LYPD6B: variants seen among roughly 807,000 people sequenced by gnomAD.
The protein encoded by LYPD6B is ly6/PLAUR domain-containing protein 6B.
A neutral mutation model predicts 22.8 loss-of-function variants in LYPD6B; 17 were observed. That is an observed-to-expected ratio of 0.75 (90% CI 0.51 to 1.12). The LOEUF (loss-of-function observed/expected upper bound fraction) is 1.12, where lower values mean the gene tolerates loss of function less well. LYPD6B is among the 50% of genes most tolerant of loss of function. LYPD6B has a pLI of 0.00. For missense variants in LYPD6B, 221 were observed against 258.3 expected (o/e 0.86, Z 0.99); for synonymous variants, 106 against 91.6 (o/e 1.16, Z -0.90).
Position 149,213,091 on chromosome 2 carries a change from G to T in LYPD6B, c.428G>T (p.Gly143Val). Residue 143 changes from glycine to valine, a missense_variant, in exon 6 of 7, where the codon GGT becomes GTT. Gly to Val is a moderately radical substitution (Grantham distance 109, BLOSUM62 -3). Coordinates refer to ENST00000409642, the MANE Select transcript of LYPD6B (RefSeq NM_177964.5). ...TCCAGAAGTGAATGTCATTTTGTCG[G>T]TTGCCACCACAGCCGAGATTCTGAA... ...CASRSECHFV[G>V]CHHSRDSEHT... The T allele has an allele frequency of 1.2e-6, 2 of 1,613,874 alleles. No individual in the cohort carries two copies. The highest frequency in any genetic ancestry group is 1.7e-6 in the Non-Finnish European group (2 of 1,179,854).
chr2:149,167,885 G>GT (rs1033133163), intron 3 of LYPD6B, among the ~76,000 whole-genome samples: 7 of 151,922 alleles, frequency 4.6e-5, no homozygotes, highest in Admixed American at 6.6e-5. Context: ...AAACATAGAG[G>GT]TTTTTTTATG....
At chr2:149,091,371 T>C (rs1285093479) in intron 1 of LYPD6B, among the ~76,000 whole-genome samples, 1 of 150,426 alleles carries the variant, frequency 6.6e-6, no homozygotes, top group Non-Finnish European at 1.5e-5. Context: ...ATTATTTATA[T>C]AGAATACATA....
At chr2:149,113,830 A>G (rs11883867) in intron 1 of LYPD6B, among the ~76,000 whole-genome samples, 62,748 of 151,980 alleles carry the variant, frequency 0.41, 13,508 homozygotes, top group African/African-American at 0.54. Context: ...CCTGGAGTGA[A>G]CTGCATGGTT....
At chr2:149,072,936 G>A (rs1684689932) in intron 1 of LYPD6B, among the ~76,000 whole-genome samples, 1 of 152,198 alleles carries the variant, frequency 6.6e-6, no homozygotes, top group Non-Finnish European at 1.5e-5. Context: ...CTTATGGGGA[G>A]AGATTTCTAG....
At chr2:149,206,999 A>G (rs557266712) in intron 4 of LYPD6B, among the ~76,000 whole-genome samples, 13 of 152,218 alleles carry the variant, frequency 8.5e-5, no homozygotes, top group African/African-American at 2.9e-4. Flanking sequence ...TAAATTCACT[A>G]TTTCTTCAAT....
intron 4 of LYPD6B, among the ~76,000 whole-genome samples, chr2:149,206,995 C>A (rs1158151696): frequency 6.6e-6 from 1 of 152,058 alleles, no homozygotes; most frequent in Non-Finnish European, 1.5e-5. Context: ...GTTTTAAATT[C>A]ACTATTTCTT....
At chr2:149,069,348 T>A (rs1443914137) in intron 1 of LYPD6B, among the ~76,000 whole-genome samples, 1 of 152,256 alleles carries the variant, frequency 6.6e-6, no homozygotes, top group African/African-American at 2.4e-5. Flanking sequence ...GCTTTTTGCC[T>A]TGGCGACATA....
intron 2 of LYPD6B, chr2:149,131,261 G>A (rs1688010415): frequency 6.0e-6 from 2 of 335,078 alleles, no homozygotes; most frequent in Non-Finnish European, 5.4e-6. Context: ...ATGCTTTTAT[G>A]TTATAGGTTC....
chr2:149,193,840 C>G (rs1459673882), intron 3 of LYPD6B, among the ~76,000 whole-genome samples: 1 of 152,020 alleles, frequency 6.6e-6, no homozygotes, highest in East Asian at 1.9e-4. Flanking sequence ...TTATTATATT[C>G]AAATAAACTT....
At position 149,195,018 on chromosome 2, in the gene LYPD6B, A is replaced by C. The variant is rs778824782; in HGVS notation, c.78-10235A>C. 3.3e-5 allele frequency among the ~76,000 whole-genome samples: 5 copies of C among 152,364 alleles called. No individual in the cohort carries two copies. The South Asian group carries it at 6.2e-4, about 19-fold the overall frequency. ...ATTTCCACGTGGGTAACTTAAAAGA[A>C]GAATGTTGTTAAAAGATTGTTACAA... On this transcript the variant is annotated intron_variant, in intron 3 of 6. Transcript: ENST00000409642.
chr2:149,157,461 G>A (rs229323), intron 2 of LYPD6B, among the ~76,000 whole-genome samples: 120,135 of 152,158 alleles, frequency 0.79, 47,687 homozygotes, highest in Non-Finnish European at 0.83. Context: ...CTAACAATCT[G>A]CGATGACAGC....
intron 1 of LYPD6B, among the ~76,000 whole-genome samples, chr2:149,084,003 G>A (rs1445728716): frequency 6.6e-6 from 1 of 151,862 alleles, no homozygotes; most frequent in Non-Finnish European, 1.5e-5. Context: ...TCCCAGCTGA[G>A]GCAGGAGAAT....
At chr2:149,048,747 A>G (rs987611772) in intron 1 of LYPD6B, among the ~76,000 whole-genome samples, 2 of 152,180 alleles carry the variant, frequency 1.3e-5, no homozygotes, top group African/African-American at 4.8e-5. Context: ...CTACATCCTG[A>G]GCAGAAATCA....
chr2:149,192,835 G>A (rs1692580517), intron 3 of LYPD6B, among the ~76,000 whole-genome samples: 1 of 152,146 alleles, frequency 6.6e-6, no homozygotes, highest in African/African-American at 2.4e-5. Context: ...AGCCAGGGGA[G>A]TGGGCTTTGC....
intron 1 of LYPD6B, among the ~76,000 whole-genome samples, chr2:149,095,153 G>A (rs949111738): frequency 1.3e-5 from 2 of 152,100 alleles, no homozygotes; most frequent in Non-Finnish European, 2.9e-5. Context: ...AAAATTAGCC[G>A]GGGATGGTGG....
At chr2:149,159,760 A>C (rs1169882621) in intron 2 of LYPD6B, among the ~76,000 whole-genome samples, 1 of 152,070 alleles carries the variant, frequency 6.6e-6, no homozygotes, top group Non-Finnish European at 1.5e-5. Context: ...TATTGTTGCA[A>C]TCTTGAGTCC....
chr2:149,047,782 AG>A (rs1324808427), intron 1 of LYPD6B, among the ~76,000 whole-genome samples: 4 of 152,120 alleles, frequency 2.6e-5, no homozygotes, highest in African/African-American at 9.7e-5. Context: ...ACAGTCCCAC[AG>A]CTCTTGGGCA....
chr2:149,131,321 T>C, intron 2 of LYPD6B: 1 of 211,328 alleles, frequency 4.7e-6, no homozygotes. Context: ...AGTCCTAATC[T>C]TGTGGTTCTG....
chr2:149,085,184 A>G (rs960065673), intron 1 of LYPD6B, among the ~76,000 whole-genome samples: 3 of 152,200 alleles, frequency 2.0e-5, no homozygotes, highest in Non-Finnish European at 4.4e-5. Flanking sequence ...TCCATTGCCC[A>G]GTTACACATC....
Sources: gnomAD v4.1 joint callset for allele counts (sites outside exome capture counted in the v4.1 genomes callset) on GRCh38, gnomAD v4.1.1 for gene constraint, MANE v1.5 for transcripts, NCBI Gene and HGNC (gene_info 2026-07-23, HGNC 2026-07-21) for gene names.